Variants in WDFY4 observed in about 807,000 individuals in gnomAD.
WDFY4 encodes the protein WD repeat- and FYVE domain-containing protein 4.
In WDFY4, 169 loss-of-function variants were observed where a neutral mutation model predicts 351.9. The observed-to-expected ratio is 0.48, with a 90% CI of 0.42 to 0.55. WDFY4 has a LOEUF of 0.55. Ranked by LOEUF, WDFY4 falls within the 20% of genes least tolerant of loss-of-function variation. The pLI is 0.00. For synonymous variants in WDFY4, 1,622 were observed against 1,574.6 expected, an observed-to-expected ratio of 1.03 and a Z score of -0.71; for missense variants, 3,803 against 3,935.6, an observed-to-expected ratio of 0.97 and a Z score of 0.90.
chr10:48,803,459 C>G, intron 25 of WDFY4, 100 bp downstream of exon 25: 2 of 1,151,916 alleles, frequency 1.7e-6, no homozygotes, highest in Non-Finnish European at 2.5e-6. Context: ...GCTCCCAGAA[C>G]ACTGGGTCCC....
intron 31 of WDFY4, among the ~76,000 whole-genome samples, chr10:48,814,465 C>A (rs2067556337): frequency 6.6e-6 from 1 of 152,186 alleles, no homozygotes; most frequent in Non-Finnish European, 1.5e-5. Context: ...AGGCAGATGG[C>A]CGCCAGCTAC....
chr10:48,765,226 A>G (rs150456390), intron 13 of WDFY4, among the ~76,000 whole-genome samples: 1 of 152,336 alleles, frequency 6.6e-6, no homozygotes, highest in Non-Finnish European at 1.5e-5. Context: ...ATCACTGTCA[A>G]TGTCATCATT....
chr10:48,693,343 T>A (rs1248919371), intron 1 of WDFY4, among the ~76,000 whole-genome samples: 1 of 152,138 alleles, frequency 6.6e-6, no homozygotes, highest in Non-Finnish European at 1.5e-5. Flanking sequence ...AGCAGAGGTG[T>A]TGGTGCCGGG....
At chr10:48,687,564 C>A (rs1478492424) in intron 1 of WDFY4, among the ~76,000 whole-genome samples, 5 of 151,090 alleles carry the variant, frequency 3.3e-5, no homozygotes, top group African/African-American at 9.7e-5. Context: ...CTGCTTTTCC[C>A]ATATGGATAA....
At chr10:48,859,785 C>A (rs1465565559) in intron 39 of WDFY4, among the ~76,000 whole-genome samples, 1 of 151,954 alleles carries the variant, frequency 6.6e-6, no homozygotes, top group African/African-American at 2.4e-5. Context: ...GATTTTAATT[C>A]TTTTTAAATT....
At chr10:48,690,007 C>T (rs960404279) in intron 1 of WDFY4, among the ~76,000 whole-genome samples, 2 of 152,230 alleles carry the variant, frequency 1.3e-5, no homozygotes, top group Non-Finnish European at 2.9e-5. Context: ...CATTAGACCA[C>T]ACTACCACTA....
chr10:48,804,163 A>G (rs1001314297), intron 25 of WDFY4, among the ~76,000 whole-genome samples: 49 of 152,220 alleles, frequency 3.2e-4, no homozygotes, highest in African/African-American at 1.1e-3. Context: ...GAGAGAAGGA[A>G]GGCAAGGAAG....
At chr10:48,761,163 G>A (rs753319123) in intron 13 of WDFY4, among the ~76,000 whole-genome samples, 1 of 152,112 alleles carries the variant, frequency 6.6e-6, no homozygotes, top group Non-Finnish European at 1.5e-5. Flanking sequence ...GGGTGGGAAG[G>A]GGCCTGCTGT....
chr10:48,739,236 G>A lies in WDFY4; in HGVS notation c.1878+3166G>A, dbSNP rs143730482. Among the ~76,000 whole-genome samples, 1,145 of 152,284 alleles carry A rather than the reference G, an allele frequency of 7.5e-3. 9 individuals carry two copies. The highest frequency in any genetic ancestry group is 0.011 in the Non-Finnish European group (756 of 68,028). On this transcript the variant is annotated intron_variant, in intron 11 of 61. Coordinates refer to ENST00000325239, the MANE Select transcript of WDFY4 (RefSeq NM_001394531.1). ...TCCTGTTAGTCCTAACGTAGTTAGC[G>A]CTTTACAGCAGACATCCATTTTATA...
chr10:48,812,653 A>G (rs373904101), intron 30 of WDFY4, among the ~76,000 whole-genome samples: 2 of 152,196 alleles, frequency 1.3e-5, no homozygotes, highest in South Asian at 2.1e-4. Context: ...TTCCTTGGCC[A>G]CATTTCTCCA....
intron 57 of WDFY4, among the ~76,000 whole-genome samples, chr10:48,971,743 G>A (rs1194814610): frequency 3.3e-5 from 5 of 152,194 alleles, no homozygotes; most frequent in African/African-American, 7.2e-5. Context: ...AGGGCAGTGC[G>A]AGAAGGGGCT....
chr10:48,913,369 C>T (rs1838184495), intron 47 of WDFY4: 3 of 1,599,840 alleles, frequency 1.9e-6, no homozygotes, highest in Admixed American at 1.7e-5. Flanking sequence ...TCCCTTCTGC[C>T]TCAGGGTCAG....
At chr10:48,938,582 G>A (rs188677433) in intron 47 of WDFY4, among the ~76,000 whole-genome samples, 20 of 152,320 alleles carry the variant, frequency 1.3e-4, no homozygotes, top group African/African-American at 4.3e-4. Context: ...GTGCTGTTTG[G>A]GTGGAGCTGG....
chr10:48,965,233 A>T (rs73298941), intron 54 of WDFY4, among the ~76,000 whole-genome samples: 290 of 152,284 alleles, frequency 1.9e-3, no homozygotes, highest in Middle Eastern at 6.8e-3. Context: ...CCGTCAGTGT[A>T]GTCATGGAGT....
At chr10:48,962,152 TG>T (rs1380452110) in intron 53 of WDFY4, among the ~76,000 whole-genome samples, 1 of 152,178 alleles carries the variant, frequency 6.6e-6, no homozygotes, top group Non-Finnish European at 1.5e-5. Flanking sequence ...AGTGGTTCTG[TG>T]GCAACCACCA....
chr10:48,685,178 G>T (rs2063008100), intron 1 of WDFY4, among the ~76,000 whole-genome samples, 177 bp downstream of exon 1: 1 of 152,188 alleles, frequency 6.6e-6, no homozygotes, highest in Non-Finnish European at 1.5e-5. Context: ...GGAGCAGGAA[G>T]TGTGTGTGGC....
At chr10:48,837,415 G>T (rs1445313059) in intron 39 of WDFY4, among the ~76,000 whole-genome samples, 1 of 152,162 alleles carries the variant, frequency 6.6e-6, no homozygotes, top group Non-Finnish European at 1.5e-5. Flanking sequence ...ACAGAGTCAT[G>T]GCATCTGCTC....
chr10:48,700,321 C>G (rs1353006414), intron 1 of WDFY4, among the ~76,000 whole-genome samples: 1 of 152,194 alleles, frequency 6.6e-6, no homozygotes, highest in African/African-American at 2.4e-5. Flanking sequence ...TTTGGGGGCC[C>G]TTTACCACAT....
rs1002831627 is a variant in WDFY4, at chr10:48,834,850, G to A, written c.6663+2141G>A. Among the ~76,000 whole-genome samples, 3 of 152,118 alleles carry A rather than the reference G, an allele frequency of 2.0e-5. No homozygotes were observed. In the East Asian group the frequency reaches 5.8e-4, roughly 29 times the overall value. ...TCATTGATACAGCTCAGCTGCCTCC[G>A]AGTCCTGGGGACATGCATTGAGCAA... On this transcript the variant is annotated intron_variant, in intron 39 of 61. Transcript: ENST00000325239.
Sources: allele counts gnomAD v4.1 joint callset (sites outside exome capture counted in the v4.1 genomes callset), GRCh38; gene constraint gnomAD v4.1.1; transcripts MANE v1.5; gene names NCBI Gene and HGNC (gene_info 2026-07-23, HGNC 2026-07-21).